The following VWA8 variants were observed in gnomAD, a reference collection of about 807,000 sequenced individuals.
The protein encoded by VWA8 is von Willebrand factor A domain containing 8.
In VWA8, 221 loss-of-function variants were observed where a neutral mutation model predicts 241.5. The observed-to-expected ratio is 0.91, with a 90% CI of 0.82 to 1.02. The LOEUF (loss-of-function observed/expected upper bound fraction) is 1.02, where lower values mean the gene tolerates loss of function less well. Ranked by LOEUF, VWA8 falls within the 50% of genes least tolerant of loss-of-function variation. The probability of loss-of-function intolerance (pLI) is 0.00; values close to 1 mark genes in which losing one functional copy is unlikely to be tolerated. For missense variants in VWA8, 2,322 were observed against 2,328.7 expected, an observed-to-expected ratio of 1.00 and a Z score of 0.06; for synonymous variants, 852 against 827.1, an observed-to-expected ratio of 1.03 and a Z score of -0.52.
At chr13:41,881,877 C>T (rs1286701604) in intron 9 of VWA8, among the ~76,000 whole-genome samples, 10 of 143,098 alleles carry the variant, frequency 7.0e-5, no homozygotes, top group East Asian at 6.8e-4. Context: ...ACCTCCCTCC[C>T]GGACGGGGCG....
chr13:41,838,979 T>C (rs1054979998), intron 12 of VWA8, among the ~76,000 whole-genome samples: 5 of 152,182 alleles, frequency 3.3e-5, no homozygotes, highest in Non-Finnish European at 7.4e-5. Context: ...GTCTTTATAG[T>C]AGAATGATTT....
At chr13:41,806,779 G>A (rs1433157803) in intron 17 of VWA8, among the ~76,000 whole-genome samples, 1 of 151,948 alleles carries the variant, frequency 6.6e-6, no homozygotes, top group African/African-American at 2.4e-5. Flanking sequence ...TCAGGAGGCA[G>A]AGGCAGGAGA....
At chr13:41,944,172 G>A (rs1230685995) in intron 2 of VWA8, among the ~76,000 whole-genome samples, 2 of 151,026 alleles carry the variant, frequency 1.3e-5, no homozygotes, top group African/African-American at 4.9e-5. Context: ...AGGCATTACT[G>A]GAATAGAGTA....
At chr13:41,925,743 C>A in intron 2 of VWA8, 1 of 209,290 alleles carries the variant, frequency 4.8e-6, no homozygotes, top group South Asian at 8.0e-5. Flanking sequence ...AAAGTTAAAC[C>A]AGGCCACAGC....
rs1335709939 is a variant in VWA8, at chr13:41,587,662, G to A, written c.5121C>T (p.Ser1707=). 3 of 1,614,066 alleles carry A rather than the reference G, an allele frequency of 1.9e-6. No homozygotes were observed. In the South Asian group the frequency reaches 3.3e-5, roughly 18 times the overall value. The change falls in exon 42 of 45, where the codon AGC becomes AGT. Residue 1707 remains serine (S), a synonymous_variant. Coordinates refer to ENST00000379310, the MANE Select transcript of VWA8 (RefSeq NM_015058.2). ...RRGELEPQLG[S]PQQKPKRLRL... ...GCAGACGCTTGGGTTTCTGTTGTGG[G>A]CTGCCAAGCTGAGGGAAGGAATAAC... is the stretch of plus-strand genomic sequence containing the variant.
intron 21 of VWA8, among the ~76,000 whole-genome samples, chr13:41,747,395 T>C (rs2045616507): frequency 6.6e-6 from 1 of 152,208 alleles, no homozygotes; most frequent in African/African-American, 2.4e-5. Context: ...TTTGGCTCTG[T>C]GTTTATCTGT....
chr13:41,585,909 T>C (rs1455102874), intron 42 of VWA8, among the ~76,000 whole-genome samples: 1 of 140,830 alleles, frequency 7.1e-6, no homozygotes, highest in Non-Finnish European at 1.6e-5. Context: ...AAAACCTCCA[T>C]ATAGCTCAAA....
chr13:41,608,357 C>A (rs7999090), intron 39 of VWA8, among the ~76,000 whole-genome samples: 48,725 of 151,964 alleles, frequency 0.32, 8,474 homozygotes, highest in Non-Finnish European at 0.4. Flanking sequence ...GCCTCTGGAT[C>A]AAATGAGGTA....
At chr13:41,693,452 G>C (rs1005367718) in intron 29 of VWA8, among the ~76,000 whole-genome samples, 1 of 151,796 alleles carries the variant, frequency 6.6e-6, no homozygotes, top group Non-Finnish European at 1.5e-5. Context: ...CACAAATCCA[G>C]GTTCAATTTA....
At chr13:41,615,351 G>C (rs1465647773) in intron 37 of VWA8, among the ~76,000 whole-genome samples, 5 of 152,260 alleles carry the variant, frequency 3.3e-5, no homozygotes, top group Admixed American at 6.5e-5. Context: ...AATTTTTCTG[G>C]TGCAAACCAA....
chr13:41,816,631 A>T, intron 16 of VWA8, 67 bp downstream of exon 16: 1 of 1,468,172 alleles, frequency 6.8e-7, no homozygotes, highest in Non-Finnish European at 9.4e-7. Flanking sequence ...TAAGTACTGA[A>T]TTCTAAGAAA....
chr13:41,847,850 T>C (rs1379128794), intron 12 of VWA8, among the ~76,000 whole-genome samples: 1 of 152,194 alleles, frequency 6.6e-6, no homozygotes, highest in Non-Finnish European at 1.5e-5. Context: ...ACAACTTTAG[T>C]GAATAGAATA....
chr13:41,908,527 T>G (rs1329603045), intron 3 of VWA8, among the ~76,000 whole-genome samples: 1 of 150,318 alleles, frequency 6.7e-6, no homozygotes, highest in African/African-American at 2.5e-5. Flanking sequence ...TAAATACACA[T>G]GCATAGTTGT....
intron 42 of VWA8, among the ~76,000 whole-genome samples, chr13:41,583,414 C>T (rs1460929467): frequency 4.6e-5 from 7 of 152,004 alleles, no homozygotes; most frequent in South Asian, 2.1e-4. Flanking sequence ...GGGGCCAAAG[C>T]GGGCAGAACA....
In VWA8 at chr13:41,726,285, C is replaced by A. The variant is rs112083767; in HGVS notation, c.2758+909G>T. 6.1e-3 allele frequency among the ~76,000 whole-genome samples: 932 copies of A among 152,228 alleles called. 7 individuals carry two copies. Among genetic ancestry groups the A allele is most frequent in the African/African-American group, 0.021 (890 of 41,520 alleles). On this transcript the variant is annotated intron_variant, in intron 24 of 44. Coordinates refer to ENST00000379310, the MANE Select transcript of VWA8 (RefSeq NM_015058.2). ...TTCTACTATAAACAATGCTATAGTG[C>A]CTATCCTTGTACTTAAACATTGTAT...
chr13:41,671,850 G>C (rs974274054), intron 36 of VWA8, among the ~76,000 whole-genome samples: 2 of 152,084 alleles, frequency 1.3e-5, no homozygotes, highest in African/African-American at 4.8e-5. Context: ...CCTCCAGACT[G>C]AAAATAAATA....
Position 41,657,615 on chromosome 13 carries a change from G to A in VWA8, c.4611+13331C>T, listed in dbSNP as rs535788446. On this transcript the variant is annotated intron_variant, in intron 37 of 44. Transcript: ENST00000379310. ...CGCCATTCTCCCGCCTCAGCCTCCCGAGTAGCTGGGACTACAGGCGCCCGC... is the reference window on the plus strand; with the variant it reads ...CGCCATTCTCCCGCCTCAGCCTCCCAAGTAGCTGGGACTACAGGCGCCCGC... 7.3e-3 allele frequency among the ~76,000 whole-genome samples: 1,091 copies of A among 150,342 alleles called. 8 individuals are homozygous for A. Among genetic ancestry groups the A allele is most frequent in the Non-Finnish European group, 0.01 (706 of 67,760 alleles).
At chr13:41,787,374 A>G in intron 18 of VWA8, 63 bp downstream of exon 18, 1 of 1,306,078 alleles carries the variant, frequency 7.7e-7, no homozygotes, top group South Asian at 1.2e-5. Flanking sequence ...ATTAAAATAA[A>G]CAGCATCAAA....
intron 12 of VWA8, among the ~76,000 whole-genome samples, chr13:41,852,984 T>C (rs151330323): frequency 0.013 from 1,997 of 152,252 alleles, 24 homozygotes; most frequent in Middle Eastern, 0.048. Context: ...CTGTGAAAAA[T>C]GTCATTGGAA....
Sources: allele counts gnomAD v4.1 joint callset (sites outside exome capture counted in the v4.1 genomes callset), GRCh38; gene constraint gnomAD v4.1.1; transcripts MANE v1.5; gene names NCBI Gene and HGNC (gene_info 2026-07-23, HGNC 2026-07-21).